The following SGSM3 variants were observed in gnomAD, a reference collection of about 807,000 sequenced individuals.
The protein encoded by SGSM3 is RUN and SH3 containing 3.
A neutral mutation model predicts 100.5 loss-of-function variants in SGSM3; 96 were observed. That is an observed-to-expected ratio of 0.96 (90% CI 0.81 to 1.13). The LOEUF is 1.13. Ranked by LOEUF, SGSM3 falls within the 50% of genes most tolerant of loss-of-function variation. The pLI is 0.00. For missense variants in SGSM3, 1,001 were observed against 1,015.8 expected (o/e 0.99, Z 0.20); for synonymous variants, 483 against 422.8 (o/e 1.14, Z -1.75).
chr22:40,399,324 C>T (rs1172626782), intron 1 of SGSM3, among the ~76,000 whole-genome samples: 1 of 152,168 alleles, frequency 6.6e-6, no homozygotes, highest in Non-Finnish European at 1.5e-5. Context: ...AGAGGATGAG[C>T]GCTGAGCCCA....
chr22:40,405,894 AGGCGGGTGGCCGAGTGGGGATAG>A lies in SGSM3; in HGVS notation c.814+54_814+76del, dbSNP rs2051420093. 3 of 1,563,318 alleles carry A rather than the reference AGGCGGGTGGCCGAGTGGGGATAG, an allele frequency of 1.9e-6. No individual in the cohort carries two copies. In the East Asian group the frequency reaches 6.8e-5, roughly 35 times the overall value. Reference sequence around the variant, plus strand: ...TCCCATTCTGCAGCTTGGAGGACTCAGGCGGGTGGCCGAGTGGGGATAGGGCACAGCCCCCCAACCATGGTCTT... The same window carrying A: ...TCCCATTCTGCAGCTTGGAGGACTCAGGCACAGCCCCCCAACCATGGTCTT... On this transcript the variant is annotated intron_variant, in intron 8 of 21. Transcript: ENST00000248929.
chr22:40,371,202 A>G (rs964632012), intron 1 of SGSM3, among the ~76,000 whole-genome samples: 1 of 152,248 alleles, frequency 6.6e-6, no homozygotes, highest in African/African-American at 2.4e-5. Context: ...GCACGGGGGA[A>G]ACTGAGGCAT....
chr22:40,407,932 T>TCTC lies in SGSM3; in HGVS notation c.1579+93_1579+95dup. ...GTGACCCTGGCCGCCACCAAGCTGT[T>TCTC]CTCCTCTATACACCTGCCTGGCTTG... On this transcript the variant is annotated intron_variant, in intron 14 of 21. Coordinates refer to ENST00000248929, the MANE Select transcript of SGSM3 (RefSeq NM_015705.6). This position sits in a 1 kb window ranked among gnomAD's most constrained non-coding sequence, Gnocchi z 4.7. 2.7e-6 allele frequency: 4 copies of TCTC among 1,471,424 alleles called. No individual in the cohort carries two copies. The highest frequency in any genetic ancestry group is 3.7e-6 in the Non-Finnish European group (4 of 1,071,456). 91.1% of individuals were successfully genotyped at this position (1,471,424 alleles called of 1,614,324 possible).
chr22:40,377,266 T>C (rs951749894), intron 1 of SGSM3, among the ~76,000 whole-genome samples: 1 of 152,246 alleles, frequency 6.6e-6, no homozygotes, highest in African/African-American at 2.4e-5. Flanking sequence ...TTTCCTCCTT[T>C]AATTTGAATC....
In SGSM3 at chr22:40,409,877, C is replaced by G; in HGVS notation, c.*118C>G. The G allele has an allele frequency of 1.4e-6, 2 of 1,450,756 alleles. No individual in the cohort carries two copies. Among genetic ancestry groups the G allele is most frequent in the Non-Finnish European group, 1.8e-6 (2 of 1,108,602 alleles). The allele number at this position is 1,450,756 out of a possible 1,614,324, so 89.9% of individuals were successfully genotyped here. A position where few individuals can be genotyped will look rare whatever the true frequency, so the allele number is the denominator to read the frequency against. The stretch of plus-strand genomic sequence containing the variant: ...GGCCGGGGCCGCGGGATATCAATAT[C>G]AGGCTGCCCCACTCCACGTTCCCCA... On this transcript the variant is annotated 3_prime_UTR_variant, in exon 22 of 22. Transcript: ENST00000248929.
intron 1 of SGSM3, among the ~76,000 whole-genome samples, chr22:40,378,663 T>C (rs1326882353): frequency 6.6e-6 from 1 of 151,714 alleles, no homozygotes; most frequent in Admixed American, 6.6e-5. Context: ...GAGGCGGAGG[T>C]TGCAGTGAGC....
At chr22:40,406,291 C>T in intron 9 of SGSM3, 68 bp downstream of exon 9, 1 of 1,592,920 alleles carries the variant, frequency 6.3e-7, no homozygotes, top group Non-Finnish European at 8.6e-7. Context: ...AGCAAGAGAC[C>T]TCCCTGGGCC....
Position 40,407,111 on chromosome 22 carries a change from G to A in SGSM3, c.1240+40G>A, listed in dbSNP as rs1414566021. ...AGTGCCAGGCAGTGTGGGCATGCGG[G>A]AGTCTGTCCTCACGCTCATGTGGAC... On this transcript the variant is annotated intron_variant, in intron 11 of 21. Transcript: ENST00000248929. This position sits in a 1 kb window ranked among gnomAD's most constrained non-coding sequence, Gnocchi z 4.7. 2 of 1,608,064 alleles carry A rather than the reference G, an allele frequency of 1.2e-6. No individual in the cohort carries two copies. Among genetic ancestry groups the A allele is most frequent in the Non-Finnish European group, 8.5e-7 (1 of 1,177,476 alleles).
At chr22:40,393,655 G>GT (rs1262301269) in intron 1 of SGSM3, among the ~76,000 whole-genome samples, 1 of 152,316 alleles carries the variant, frequency 6.6e-6, no homozygotes, top group East Asian at 1.9e-4. Flanking sequence ...TTGTGCTGCT[G>GT]TAACAGAATA....
In SGSM3 at chr22:40,409,017, AAGTG is replaced by A; in HGVS notation, c.1988+4_1988+7del. ...CCGCTCACTGATCTGCGTGGGGCTC[AAGTG>A]AGTGTGGAAAAGGGGTTGGAGGAGA... On this transcript the variant is annotated splice_donor_variant and splice_donor_region_variant and coding_sequence_variant and intron_variant, in exon 19 of 22. Transcript: ENST00000248929. LOFTEE classifies it high-confidence loss of function. 2 of 1,562,558 alleles carry A rather than the reference AAGTG, an allele frequency of 1.3e-6. No individual in the cohort carries two copies. Among genetic ancestry groups the A allele is most frequent in the Non-Finnish European group, 8.7e-7 (1 of 1,153,232 alleles).
At chr22:40,376,291 C>G (rs1458757199) in intron 1 of SGSM3, 1 of 136,426 alleles carries the variant, frequency 7.3e-6, no homozygotes, top group African/African-American at 2.7e-5. Flanking sequence ...CCTTGCTTGT[C>G]TGCTTGCTTG....
Position 40,406,536 on chromosome 22 carries a change from G to A in SGSM3, c.1059G>A (p.Val353=). The stretch of plus-strand genomic sequence containing the variant: ...AGGACGCGGAGCTGCTTCTGGGGGT[G>A]GCCATGCGGCTGGCCGGCTCCCTCA... ...QMEDAELLLG[V]AMRLAGSLTD... The change falls in exon 10 of 22, where the codon GTG becomes GTA. Residue 353 remains valine, a synonymous_variant. Transcript: ENST00000248929. 1 of 1,613,134 alleles carries A rather than the reference G, an allele frequency of 6.2e-7. No individual in the cohort carries two copies. Among genetic ancestry groups the A allele is most frequent in the Non-Finnish European group, 8.5e-7 (1 of 1,179,924 alleles).
rs200245601 is a variant in SGSM3, at chr22:40,409,567, G to A, written c.2172+42G>A. The stretch of plus-strand genomic sequence containing the variant: ...TCGTAGGGCCTGCACTGATGGAGCT[G>A]CCCAAACCGTTCGCGGGGTGGCTAA... On this transcript the variant is annotated intron_variant, in intron 21 of 21. Coordinates refer to ENST00000248929, the MANE Select transcript of SGSM3 (RefSeq NM_015705.6). 1,500 of 1,613,052 alleles carry A rather than the reference G, an allele frequency of 9.3e-4. 2 individuals are homozygous for A. Among genetic ancestry groups the A allele is most frequent in the Admixed American group, 1.2e-3 (73 of 59,796 alleles).
Position 40,399,825 on chromosome 22 carries a change from C to T in SGSM3, c.-111-871C>T, listed in dbSNP as rs570180741. On this transcript the variant is annotated intron_variant, in intron 1 of 21. Transcript: ENST00000248929. ...AGGCATGTCTGGAAGCAGGAGGGAG[C>T]GTCTCTCCCATTTGGGTACCAAAGC... is the stretch of plus-strand genomic sequence containing the variant. Among the ~76,000 whole-genome samples the T allele has an allele frequency of 2.0e-5, 3 of 152,314 alleles. No homozygotes were observed. In the South Asian group the frequency reaches 6.2e-4, roughly 32 times the overall value.
In SGSM3 at chr22:40,410,060, G is replaced by A. The variant is rs967770335; in HGVS notation, c.*301G>A. ...GGAAGGGGATGGGGGTGGCTAGTAG[G>A]CTCCTGGCCTCTTTGGTTTATAAAT... On this transcript the variant is annotated 3_prime_UTR_variant, in exon 22 of 22. Transcript: ENST00000248929. 3.8e-5 allele frequency: 48 copies of A among 1,278,734 alleles called. No individual in the cohort carries two copies. The highest frequency in any genetic ancestry group is 4.4e-5 in the Non-Finnish European group (45 of 1,013,798). The allele number at this position is 1,278,734 out of a possible 1,614,324, so 79.2% of individuals were successfully genotyped here.
Position 40,407,732 on chromosome 22 carries a change from GGAGGCGCTGGCC to G in SGSM3, c.1525-56_1525-45del, listed in dbSNP as rs1306148056. ...GCTGAGGAGTCATATCGGGGGTGCA[GGAGGCGCTGGCC>G]CAGGGCACCCAGCTTTGGTTCCTGC... On this transcript the variant is annotated intron_variant, in intron 13 of 21. Transcript: ENST00000248929. This position sits in a 1 kb window ranked among gnomAD's most constrained non-coding sequence, Gnocchi z 4.7. The G allele has an allele frequency of 6.3e-7, 1 of 1,598,200 alleles. No homozygotes were observed. Among genetic ancestry groups the G allele is most frequent in the Admixed American group, 1.7e-5 (1 of 59,982 alleles).
Position 40,408,056 on chromosome 22 carries a change from C to A in SGSM3, c.1580-15C>A. ...CCCTCGTGGTTGCTCCTTACAGGGC[C>A]TGTTTTTCCCACAGGCTGGTTTCCA... On this transcript the variant is annotated splice_polypyrimidine_tract_variant and intron_variant, in intron 14 of 21. Coordinates refer to ENST00000248929, the MANE Select transcript of SGSM3 (RefSeq NM_015705.6). The A allele has an allele frequency of 1.2e-6, 2 of 1,611,690 alleles. No homozygotes were observed. The highest frequency in any genetic ancestry group is 1.7e-6 in the Non-Finnish European group (2 of 1,179,192).
At chr22:40,393,622 C>T (rs1408462987) in intron 1 of SGSM3, among the ~76,000 whole-genome samples, 1 of 152,216 alleles carries the variant, frequency 6.6e-6, no homozygotes, top group Non-Finnish European at 1.5e-5. Flanking sequence ...CGGATGATCA[C>T]CCACTCCTTG....
Position 40,407,943 on chromosome 22 carries a change from C to A in SGSM3, c.1579+100C>A. On this transcript the variant is annotated intron_variant, in intron 14 of 21. Transcript: ENST00000248929. The surrounding 1 kb of genome is among the most constrained non-coding windows in gnomAD (Gnocchi z 4.7). ...CGCCACCAAGCTGTTCTCCTCTATA[C>A]ACCTGCCTGGCTTGAGGTCCCTGAA... is the stretch of plus-strand genomic sequence containing the variant. The A allele has an allele frequency of 6.9e-7, 1 of 1,455,692 alleles. No individual in the cohort carries two copies. The highest frequency in any genetic ancestry group is 9.4e-7 in the Non-Finnish European group (1 of 1,058,530). 90.2% of individuals were successfully genotyped at this position (1,455,692 alleles called of 1,614,324 possible).
Sources: gnomAD v4.1 joint callset for allele counts (sites outside exome capture counted in the v4.1 genomes callset) on GRCh38, gnomAD v4.1.1 for gene constraint, Gnocchi (gnomAD v3.1) non-coding constraint, MANE v1.5 for transcripts, NCBI Gene and HGNC (gene_info 2026-07-23, HGNC 2026-07-21) for gene names.